CTNNA3: variants seen among roughly 807,000 people sequenced by gnomAD.
The protein encoded by CTNNA3 is catenin alpha-3.
CTNNA3 carries 76 observed loss-of-function variants against 95.7 expected under a neutral mutation model. The observed-to-expected ratio is 0.79, with a 90% CI of 0.66 to 0.96. The LOEUF is 0.96. Ranked by LOEUF, CTNNA3 falls within the 40% of genes least tolerant of loss-of-function variation. The pLI is 0.00. For synonymous variants in CTNNA3, 431 were observed against 374.4 expected, an observed-to-expected ratio of 1.15 and a Z score of -1.74; for missense variants, 1,191 against 1,089.8, an observed-to-expected ratio of 1.09 and a Z score of -1.31.
intron 3 of CTNNA3, among the ~76,000 whole-genome samples, chr10:67,592,460 G>A (rs190431712): frequency 5.6e-4 from 85 of 152,038 alleles, no homozygotes; most frequent in African/African-American, 1.7e-3. Flanking sequence ...TCCACTCGCC[G>A]AACTATGGGA....
chr10:66,898,393 G>A (rs1346034168), intron 7 of CTNNA3, among the ~76,000 whole-genome samples: 2 of 152,076 alleles, frequency 1.3e-5, no homozygotes, highest in Non-Finnish European at 1.5e-5. Flanking sequence ...AATTTTGAGA[G>A]AGAAGAACAA....
chr10:67,034,522 T>A (rs2133121585), intron 7 of CTNNA3, among the ~76,000 whole-genome samples: 1 of 152,324 alleles, frequency 6.6e-6, no homozygotes, highest in Non-Finnish European at 1.5e-5. Context: ...GGTATTGTCA[T>A]CATTTCAATC....
At chr10:67,158,981 A>C (rs1292081940) in intron 7 of CTNNA3, among the ~76,000 whole-genome samples, 1 of 152,124 alleles carries the variant, frequency 6.6e-6, no homozygotes, top group Non-Finnish European at 1.5e-5. Context: ...TTTAAAAAAA[A>C]CAACAAGGAA....
chr10:67,429,103 T>C (rs936428494), intron 5 of CTNNA3, among the ~76,000 whole-genome samples: 1 of 152,046 alleles, frequency 6.6e-6, no homozygotes, highest in Admixed American at 6.6e-5. Flanking sequence ...CTTACTTGGA[T>C]ATGGCAATCA....
intron 7 of CTNNA3, among the ~76,000 whole-genome samples, chr10:67,134,590 T>A (rs541542000): frequency 2.6e-5 from 4 of 152,006 alleles, no homozygotes; most frequent in African/African-American, 9.7e-5. Context: ...TGAGCACCCA[T>A]CAAGAGAGCA....
chr10:66,906,042 G>T (rs774720993), intron 7 of CTNNA3, among the ~76,000 whole-genome samples: 1 of 151,968 alleles, frequency 6.6e-6, no homozygotes, highest in Non-Finnish European at 1.5e-5. Flanking sequence ...GCTAATAAAT[G>T]AAAAAGGAAT....
intron 6 of CTNNA3, among the ~76,000 whole-genome samples, chr10:67,185,129 C>T (rs1285179986): frequency 6.6e-6 from 1 of 151,236 alleles, no homozygotes; most frequent in Non-Finnish European, 1.5e-5. Context: ...TTCTTTTTTT[C>T]TTTTCTTTTT....
chr10:66,490,121 T>C (rs1589324205), intron 11 of CTNNA3, among the ~76,000 whole-genome samples: 1 of 152,280 alleles, frequency 6.6e-6, no homozygotes, highest in Non-Finnish European at 1.5e-5. Flanking sequence ...TAGACTAACT[T>C]TGGTGCCTCA....
rs2076979507 is a variant in CTNNA3 at position 65,914,168 on chromosome 10, A to G, written c.*6162T>C. ...TGTACATGTTCTAAATTGAAGAAAC[A>G]TTTAGACATAATTGTTAGAAATCTG... is the stretch of plus-strand genomic sequence containing the variant. On this transcript the variant is annotated 3_prime_UTR_variant, in exon 18 of 18. Coordinates refer to ENST00000433211, the MANE Select transcript of CTNNA3 (RefSeq NM_013266.4). 1 of 152,198 alleles carries G rather than the reference A, an allele frequency of 6.6e-6. No individual in the cohort carries two copies. Among genetic ancestry groups the G allele is most frequent in the East Asian group, 1.9e-4 (1 of 5,194 alleles). The allele number at this position is 152,198 out of a possible 1,614,324, so 9.4% of individuals were successfully genotyped here. A position where few individuals can be genotyped will look rare whatever the true frequency, so the allele number is the denominator to read the frequency against.
intron 9 of CTNNA3, among the ~76,000 whole-genome samples, chr10:66,749,070 G>T (rs1839009354): frequency 6.6e-6 from 1 of 151,242 alleles, no homozygotes; most frequent in Non-Finnish European, 1.5e-5. Flanking sequence ...TGTAGTCCCA[G>T]CTGTCACCTG....
At chr10:67,529,229 G>A (rs996413524) in intron 4 of CTNNA3, among the ~76,000 whole-genome samples, 4 of 151,940 alleles carry the variant, frequency 2.6e-5, no homozygotes, top group Admixed American at 1.3e-4. Flanking sequence ...CTGGTGTTTG[G>A]TAACATAATA....
chr10:66,674,903 G>A (rs1485321553), intron 9 of CTNNA3, among the ~76,000 whole-genome samples: 1 of 151,956 alleles, frequency 6.6e-6, no homozygotes, highest in Non-Finnish European at 1.5e-5. Context: ...GTTTCAAAGA[G>A]AAAAAGCAAA....
At chr10:65,966,780 C>A (rs757914324) in intron 16 of CTNNA3, 34 bp from the exon 17 acceptor site, 17 of 1,537,148 alleles carry the variant, frequency 1.1e-5, no homozygotes, top group Non-Finnish European at 1.8e-6. Context: ...ATAGATACAG[C>A]AGAATAAATA....
intron 13 of CTNNA3, among the ~76,000 whole-genome samples, chr10:66,248,869 G>A (rs920129336): frequency 6.6e-5 from 10 of 152,072 alleles, no homozygotes; most frequent in African/African-American, 2.2e-4. Flanking sequence ...AAAACTGGAG[G>A]ACTCACATTA....
intron 7 of CTNNA3, chr10:66,928,094 C>A (rs1847174991): frequency 6.2e-7 from 1 of 1,613,948 alleles, no homozygotes; most frequent in African/African-American, 1.3e-5. Context: ...GAGAGCAAAC[C>A]CCCTTTGCCC....
At chr10:66,028,599 G>A (rs1485821836) in intron 15 of CTNNA3, among the ~76,000 whole-genome samples, 1 of 148,406 alleles carries the variant, frequency 6.7e-6, no homozygotes, top group South Asian at 2.3e-4. Context: ...CTGTTGTGGG[G>A]TGGGGGAAGG....
chr10:67,619,924 G>T (rs1018142950), intron 2 of CTNNA3, among the ~76,000 whole-genome samples: 7 of 152,018 alleles, frequency 4.6e-5, no homozygotes, highest in Admixed American at 1.3e-4. Flanking sequence ...TAGAGAGAAG[G>T]TCAGCTTAGC....
At chr10:67,288,887 C>G (rs1023579886) in intron 5 of CTNNA3, among the ~76,000 whole-genome samples, 1 of 152,054 alleles carries the variant, frequency 6.6e-6, no homozygotes, top group African/African-American at 2.4e-5. Context: ...TTGCATGAAC[C>G]CAGGAGTTCA....
At chr10:67,117,829 G>A (rs1370711928) in intron 7 of CTNNA3, among the ~76,000 whole-genome samples, 1 of 152,032 alleles carries the variant, frequency 6.6e-6, no homozygotes, top group East Asian at 1.9e-4. Flanking sequence ...TCAGGGATCA[G>A]TGCTAGCACA....
Sources: allele counts gnomAD v4.1 joint callset (sites outside exome capture counted in the v4.1 genomes callset), GRCh38; gene constraint gnomAD v4.1.1; transcripts MANE v1.5; gene names NCBI Gene and HGNC (gene_info 2026-07-23, HGNC 2026-07-21).